The following AGTPBP1 variants were observed in gnomAD, a reference collection of about 807,000 sequenced individuals.
AGTPBP1 encodes the protein cytosolic carboxypeptidase 1.
AGTPBP1 carries 70 observed loss-of-function variants against 143.9 expected under a neutral mutation model. The ratio of observed to expected loss-of-function variants is 0.49; its 90% CI spans 0.40 to 0.59. The LOEUF (loss-of-function observed/expected upper bound fraction) is 0.59. Ranked by LOEUF, AGTPBP1 falls within the 20% of genes least tolerant of loss-of-function variation. The probability of loss-of-function intolerance (pLI) is 0.00; values close to 1 mark genes in which losing one functional copy is unlikely to be tolerated. For synonymous variants in AGTPBP1, 463 were observed against 500.2 expected, an observed-to-expected ratio of 0.93 and a Z score of 0.99; for missense variants, 1,229 against 1,464.5, an observed-to-expected ratio of 0.84 and a Z score of 2.62.
the AGTPBP1 span, among the ~76,000 whole-genome samples, chr9:85,775,343 G>A: frequency 6.6e-6 from 1 of 151,296 alleles, no homozygotes; most frequent in Non-Finnish European, 1.5e-5. Context: ...TTCTATAGCT[G>A]TACAAATTGT....
intron 19 of AGTPBP1, among the ~76,000 whole-genome samples, chr9:85,590,922 C>T (rs1828918697): frequency 6.6e-6 from 1 of 152,032 alleles, no homozygotes; most frequent in Non-Finnish European, 1.5e-5. Context: ...AGTATACATA[C>T]CACTGGTAAT....
chr9:85,555,479 ATCCCAG>A (rs1264111276), intron 25 of AGTPBP1, among the ~76,000 whole-genome samples: 2 of 152,118 alleles, frequency 1.3e-5, no homozygotes, highest in Non-Finnish European at 2.9e-5. Context: ...GGCACCTGTA[ATCCCAG>A]TTACTCAGGA....
At chr9:85,600,741 C>T (rs528234927) in intron 17 of AGTPBP1, among the ~76,000 whole-genome samples, 11 of 152,254 alleles carry the variant, frequency 7.2e-5, no homozygotes, top group Admixed American at 5.9e-4. Flanking sequence ...TGAACTCACA[C>T]GGGGTGTGAC....
chr9:85,781,265 A>G, the AGTPBP1 span: 1 of 1,558,296 alleles, frequency 6.4e-7, no homozygotes, highest in African/African-American at 1.4e-5. Flanking sequence ...CAGCAGTTGG[A>G]AAAAGATCTT....
the AGTPBP1 span, among the ~76,000 whole-genome samples, chr9:85,749,986 A>T: frequency 6.6e-6 from 1 of 150,762 alleles, no homozygotes; most frequent in Non-Finnish European, 1.5e-5. Flanking sequence ...GGTTCATGCC[A>T]TTCTCCTGCC....
chr9:85,748,441 T>C, the AGTPBP1 span, among the ~76,000 whole-genome samples: 2 of 152,318 alleles, frequency 1.3e-5, no homozygotes, highest in Non-Finnish European at 2.9e-5. Flanking sequence ...GCAATTAAAC[T>C]GAAAATTTCC....
chr9:85,598,691 C>G (rs1829453415), intron 17 of AGTPBP1, among the ~76,000 whole-genome samples: 1 of 152,092 alleles, frequency 6.6e-6, no homozygotes, highest in Non-Finnish European at 1.5e-5. Context: ...GTTTTTGACC[C>G]TGACGTTTTA....
chr9:85,550,171 G>C (rs543308511), intron 25 of AGTPBP1, among the ~76,000 whole-genome samples: 1 of 138,652 alleles, frequency 7.2e-6, no homozygotes, highest in East Asian at 2.1e-4. Context: ...GTGTGTACAA[G>C]AGTTTGTGAG....
intron 24 of AGTPBP1, among the ~76,000 whole-genome samples, chr9:85,576,389 A>AAC (rs1484844728): frequency 1.3e-5 from 2 of 152,208 alleles, no homozygotes; most frequent in African/African-American, 4.8e-5. Context: ...AATGAACTTT[A>AAC]ACAACTGTTA....
chr9:85,742,127 C>T, upstream of AGTPBP1: 2 of 892,628 alleles, frequency 2.2e-6, no homozygotes, highest in Middle Eastern at 4.4e-4. Context: ...GCGCTGCGCC[C>T]CGCCTCTCTG....
chr9:85,690,153 T>G (rs1355625643), intron 3 of AGTPBP1, among the ~76,000 whole-genome samples: 1 of 152,186 alleles, frequency 6.6e-6, no homozygotes, highest in East Asian at 1.9e-4. Context: ...GATATCTTTG[T>G]TGTTGTTTTC....
intron 1 of AGTPBP1, among the ~76,000 whole-genome samples, chr9:85,719,649 T>C (rs1353613574): frequency 6.6e-6 from 1 of 152,242 alleles, no homozygotes; most frequent in East Asian, 1.9e-4. Context: ...GAATACCCAC[T>C]ATTTCTTTCT....
chr9:85,724,137 A>C (rs2134652036), intron 1 of AGTPBP1, among the ~76,000 whole-genome samples: 1 of 152,186 alleles, frequency 6.6e-6, no homozygotes, highest in Non-Finnish European at 1.5e-5. Flanking sequence ...AAATACAAAA[A>C]TTAGCCGGGT....
At chr9:85,641,704 C>CT (rs533296927) in intron 13 of AGTPBP1, among the ~76,000 whole-genome samples, 2,687 of 145,288 alleles carry the variant, frequency 0.018, 26 homozygotes, top group Middle Eastern at 0.065. Flanking sequence ...ATAAATGTTT[C>CT]TTTTTTTTTT....
chr9:85,587,491 A>C (rs1454356120), intron 21 of AGTPBP1, among the ~76,000 whole-genome samples: 1 of 152,200 alleles, frequency 6.6e-6, no homozygotes, highest in African/African-American at 2.4e-5. Context: ...GCAGATAATC[A>C]TAAAGTGATG....
intron 13 of AGTPBP1, among the ~76,000 whole-genome samples, chr9:85,635,301 T>G (rs1831968596): frequency 6.6e-6 from 1 of 152,162 alleles, no homozygotes; most frequent in Non-Finnish European, 1.5e-5. Flanking sequence ...TCCTTGAATG[T>G]CCACTGTATA....
intron 19 of AGTPBP1, 79 bp from the exon 20 acceptor site, chr9:85,589,760 C>T: frequency 7.6e-7 from 1 of 1,307,436 alleles, no homozygotes. Flanking sequence ...ATCCAGATCT[C>T]CACATAACTA....
chr9:85,726,403 G>A (rs1270730172), intron 1 of AGTPBP1, among the ~76,000 whole-genome samples: 1 of 152,132 alleles, frequency 6.6e-6, no homozygotes, highest in Non-Finnish European at 1.5e-5. Flanking sequence ...TTTTGCTATG[G>A]TCTTAAGTCT....
the AGTPBP1 span, among the ~76,000 whole-genome samples, chr9:85,805,135 T>C: frequency 1.3e-5 from 2 of 152,096 alleles, no homozygotes; most frequent in African/African-American, 2.4e-5. Context: ...CGTAGCTCCC[T>C]TTCTCCAGCA....
Sources: gnomAD v4.1 joint callset for allele counts (sites outside exome capture counted in the v4.1 genomes callset) on GRCh38, gnomAD v4.1.1 for gene constraint, MANE v1.5 for transcripts, NCBI Gene and HGNC (gene_info 2026-07-23, HGNC 2026-07-21) for gene names.